CCDC51: variants seen among roughly 807,000 people sequenced by gnomAD.
The protein encoded by CCDC51 is coiled-coil domain containing 51, also known as mitochondrial potassium channel.
Under a neutral mutation model 24.8 loss-of-function variants are expected in CCDC51, and 25 were observed. The observed-to-expected ratio is 1.01, with a 90% CI of 0.73 to 1.41. The LOEUF (loss-of-function observed/expected upper bound fraction) is 1.41, where lower values mean the gene tolerates loss of function less well. CCDC51 is among the 40% of genes most tolerant of loss of function. CCDC51 has a pLI of 0.00. For missense variants in CCDC51, 466 were observed against 519.1 expected (o/e 0.90, Z 0.99); for synonymous variants, 190 against 204.3 (o/e 0.93, Z 0.60).
At chr3:48,436,406 T>A (rs370684570) in intron 1 of CCDC51, among the ~76,000 whole-genome samples, 15 of 152,282 alleles carry the variant, frequency 9.9e-5, no homozygotes, top group East Asian at 9.6e-4. Context: ...CACAGCTGGT[T>A]GGGTAGAAAC....
intron 1 of CCDC51, among the ~76,000 whole-genome samples, chr3:48,439,501 G>A (rs1354274588): frequency 1.3e-5 from 2 of 151,958 alleles, no homozygotes; most frequent in Admixed American, 6.6e-5. Flanking sequence ...ACATGGTGGC[G>A]GGCACTTGTA....
upstream of CCDC51, chr3:48,440,141 C>A: frequency 7.9e-7 from 1 of 1,266,510 alleles, no homozygotes; most frequent in Non-Finnish European, 1.1e-6. Flanking sequence ...GACCTCTGAC[C>A]TGTTAGTACC....
chr3:48,440,241 G>T, upstream of CCDC51: 3 of 1,565,230 alleles, frequency 1.9e-6, no homozygotes, highest in Non-Finnish European at 2.6e-6. Context: ...ACGACAAAGG[G>T]TGGGGCAGAC....
chr3:48,434,781 G>A, intron 2 of CCDC51, 36 bp downstream of exon 2: 1 of 1,544,774 alleles, frequency 6.5e-7, no homozygotes, highest in Non-Finnish European at 8.8e-7. Flanking sequence ...TCCCAAGTCA[G>A]AGGGCGGGGC....
At chr3:48,443,545 A>G (rs1039048217), upstream of CCDC51, among the ~76,000 whole-genome samples, 3 of 152,146 alleles carry the variant, frequency 2.0e-5, no homozygotes, top group African/African-American at 7.2e-5. Flanking sequence ...GAAAAAAAAA[A>G]AAAAAGGACT....
At position 48,439,995 on chromosome 3, in the gene CCDC51, G is replaced by A. The variant is rs934298982; in HGVS notation, c.-16C>T. 11 of 492,740 alleles carry A rather than the reference G, an allele frequency of 2.2e-5. No individual in the cohort carries two copies. Among genetic ancestry groups the A allele is most frequent in the African/African-American group, 5.9e-5 (3 of 51,262 alleles). 30.5% of individuals were successfully genotyped at this position (492,740 alleles called of 1,614,324 possible). A position where few individuals can be genotyped will look rare whatever the true frequency, so the allele number is the denominator to read the frequency against. ...ACATGCCCTGCTGTCTACCTGCAGT[G>A]CTCTTCCCGCGCACGGCCACAGGCC... is the stretch of plus-strand genomic sequence containing the variant. On this transcript the variant is annotated 5_prime_UTR_variant, in exon 1 of 4. Transcript: ENST00000395694.
At chr3:48,441,866 C>T (rs1044598072), upstream of CCDC51, among the ~76,000 whole-genome samples, 2 of 152,194 alleles carry the variant, frequency 1.3e-5, no homozygotes, top group Admixed American at 6.5e-5. Flanking sequence ...CAAGACCTCT[C>T]TCCCAGTGGG....
In CCDC51 at chr3:48,432,392, G is replaced by T. The variant is rs779705722; in HGVS notation, c.*16C>A. ...CACAGCTATTGCCTCAGACCCTCTG[G>T]AGGAGGGGCCAGGGGTTAGCTGGCT... On this transcript the variant is annotated 3_prime_UTR_variant, in exon 4 of 4. Transcript: ENST00000395694. The T allele has an allele frequency of 1.2e-6, 2 of 1,612,708 alleles. No individual in the cohort carries two copies. The highest frequency in any genetic ancestry group is 1.3e-5 in the African/African-American group (1 of 74,904).
intron 1 of CCDC51, among the ~76,000 whole-genome samples, chr3:48,438,705 G>C (rs958424802): frequency 6.6e-6 from 1 of 152,194 alleles, no homozygotes; most frequent in Non-Finnish European, 1.5e-5. Context: ...AGAGCCTCCT[G>C]ACAGATGTCA....
chr3:48,432,336 A>C lies in CCDC51; in HGVS notation c.*72T>G. The C allele has an allele frequency of 6.4e-7, 1 of 1,568,324 alleles. No individual in the cohort carries two copies. Among genetic ancestry groups the C allele is most frequent in the Non-Finnish European group, 8.7e-7 (1 of 1,150,940 alleles). On this transcript the variant is annotated 3_prime_UTR_variant, in exon 4 of 4. Transcript: ENST00000395694. ...GTACATGCCCCCAAAGGCTCGCTTC[A>C]TTGCTACGATTCTCTACTTAAATCC...
chr3:48,434,065 A>T (rs2039276986), intron 2 of CCDC51, 194 bp from the exon 3 acceptor site: 1 of 1,256,278 alleles, frequency 8.0e-7, no homozygotes, highest in East Asian at 3.0e-5. Flanking sequence ...CACCCATCAG[A>T]ATCACGAGAT....
rs2039395188 is a variant in CCDC51, at chr3:48,437,575, A to G, written c.-9+2413T>C. On this transcript the variant is annotated intron_variant, in intron 1 of 3. Coordinates refer to ENST00000395694, the MANE Select transcript of CCDC51 (RefSeq NM_001256964.2). The surrounding 1 kb of genome is among the most constrained non-coding windows in gnomAD (Gnocchi z 4.2). ...GTGGATGGAGAGGCTGGATAGGTGA[A>G]GCAGGGCCCTGAGGGTCAAGTTCGG... Among the ~76,000 whole-genome samples, 1 of 152,160 alleles carries G rather than the reference A, an allele frequency of 6.6e-6. No individual in the cohort carries two copies. Among genetic ancestry groups the G allele is most frequent in the Non-Finnish European group, 1.5e-5 (1 of 68,024 alleles).
Position 48,436,726 on chromosome 3 carries a change from C to T in CCDC51, c.-8-1590G>A, listed in dbSNP as rs183594019. On this transcript the variant is annotated intron_variant, in intron 1 of 3. Transcript: ENST00000395694. Reference sequence around the variant, plus strand: ...ACACCCTCTCTTCCCAACATCACTGCCCCTCTTGGCTTCCTCCAACCTTCT... The same window carrying T: ...ACACCCTCTCTTCCCAACATCACTGTCCCTCTTGGCTTCCTCCAACCTTCT... Among the ~76,000 whole-genome samples, 3 of 152,354 alleles carry T rather than the reference C, an allele frequency of 2.0e-5. No homozygotes were observed. The East Asian group carries it at 5.8e-4, about 29-fold the overall frequency.
chr3:48,432,481 T>A lies in CCDC51; in HGVS notation c.1163A>T (p.Tyr388Phe), dbSNP rs761047796. 6.2e-7 allele frequency: 1 copy of A among 1,614,220 alleles called. No homozygotes were observed. The highest frequency in any genetic ancestry group is 8.5e-7 in the Non-Finnish European group (1 of 1,180,048). The part of the protein sequence containing the change: ...LEAQVNRNTI[Y>F]STLVTCVTFV... ...TGTCACACAGGTGACCAGGGTGCTA[T>A]AGATGGTGTTCCTGTTGACTTGGGC... is the stretch of plus-strand genomic sequence containing the variant. Residue 388 changes from tyrosine to phenylalanine, a missense_variant, in exon 4 of 4, where the codon TAT becomes TTT. Coordinates refer to ENST00000395694, the MANE Select transcript of CCDC51 (RefSeq NM_001256964.2).
upstream of CCDC51, chr3:48,440,319 G>A (rs2039524814): frequency 1.9e-6 from 3 of 1,611,314 alleles, no homozygotes; most frequent in Non-Finnish European, 2.5e-6. Flanking sequence ...GAAGGTAAGT[G>A]TTCCGGAACC....
In CCDC51 at chr3:48,437,586, G is replaced by A. The variant is rs1398405162; in HGVS notation, c.-9+2402C>T. On this transcript the variant is annotated intron_variant, in intron 1 of 3. Coordinates refer to ENST00000395694, the MANE Select transcript of CCDC51 (RefSeq NM_001256964.2). This position sits in a 1 kb window ranked among gnomAD's most constrained non-coding sequence, Gnocchi z 4.2. ...GGCTGGATAGGTGAAGCAGGGCCCT[G>A]AGGGTCAAGTTCGGAATCCTGCCCC... 6.6e-6 allele frequency among the ~76,000 whole-genome samples: 1 copy of A among 152,148 alleles called. No individual in the cohort carries two copies. Among genetic ancestry groups the A allele is most frequent in the Non-Finnish European group, 1.5e-5 (1 of 68,032 alleles).
In CCDC51 at chr3:48,435,351, A is replaced by G. The variant is rs2039319713; in HGVS notation, c.-8-215T>C. Among the ~76,000 whole-genome samples the G allele has an allele frequency of 6.6e-6, 1 of 152,070 alleles. No individual in the cohort carries two copies. Among genetic ancestry groups the G allele is most frequent in the Non-Finnish European group, 1.5e-5 (1 of 67,998 alleles). On this transcript the variant is annotated intron_variant, in intron 1 of 3. Coordinates refer to ENST00000395694, the MANE Select transcript of CCDC51 (RefSeq NM_001256964.2). The surrounding 1 kb of genome is among the most constrained non-coding windows in gnomAD (Gnocchi z 4.2). ...CTTGGACAATGGAACACAGTTGGGG[A>G]CGAGCCTCTAGGATGCCATACCTTC... is the stretch of plus-strand genomic sequence containing the variant.
Position 48,433,959 on chromosome 3 carries a change from A to T in CCDC51, c.313-88T>A. Reference sequence around the variant, plus strand: ...ATTCCCAGCAAGGCATTCCCAGAAGAGGTCACTGGGGTGTGAGCTGCAAAG... The same window carrying T: ...ATTCCCAGCAAGGCATTCCCAGAAGTGGTCACTGGGGTGTGAGCTGCAAAG... On this transcript the variant is annotated intron_variant, in intron 2 of 3. Transcript: ENST00000395694. This position sits in a 1 kb window ranked among gnomAD's most constrained non-coding sequence, Gnocchi z 4.4. The T allele has an allele frequency of 6.5e-7, 1 of 1,534,976 alleles. No individual in the cohort carries two copies. Among genetic ancestry groups the T allele is most frequent in the South Asian group, 1.3e-5 (1 of 79,068 alleles).
rs2039199708 is a variant in CCDC51, at chr3:48,432,494, T to C, written c.1150A>G (p.Arg384Gly). Reference sequence around the variant, plus strand: ...ACCAGGGTGCTATAGATGGTGTTCCTGTTGACTTGGGCTTCTAGTCTCTGC... The same window carrying C: ...ACCAGGGTGCTATAGATGGTGTTCCCGTTGACTTGGGCTTCTAGTCTCTGC... ...TEQRLEAQVN[R>G]NTIYSTLVTC... Residue 384 changes from arginine (R) to glycine (G), a missense_variant, in exon 4 of 4, where the codon AGG becomes GGG. By Grantham distance (125) the Arg-to-Gly change is moderately radical. Coordinates refer to ENST00000395694, the MANE Select transcript of CCDC51 (RefSeq NM_001256964.2). 3.7e-6 allele frequency: 6 copies of C among 1,614,254 alleles called. No homozygotes were observed. Among genetic ancestry groups the C allele is most frequent in the Non-Finnish European group, 5.1e-6 (6 of 1,180,050 alleles).
Sources: allele counts gnomAD v4.1 joint callset (sites outside exome capture counted in the v4.1 genomes callset), GRCh38; gene constraint gnomAD v4.1.1; non-coding constraint Gnocchi (gnomAD v3.1); transcripts MANE v1.5; gene names NCBI Gene and HGNC (gene_info 2026-07-23, HGNC 2026-07-21).